Variants in OSBPL11 observed in about 807,000 individuals in gnomAD.
The protein encoded by OSBPL11 is oxysterol-binding protein-related protein 11.
In OSBPL11, 33 loss-of-function variants were observed where a neutral mutation model predicts 84.4. The observed-to-expected ratio is 0.39, with a 90% CI of 0.30 to 0.52. The LOEUF (loss-of-function observed/expected upper bound fraction) is 0.52, where lower values mean the gene tolerates loss of function less well. Ranked by LOEUF, OSBPL11 falls within the 20% of genes least tolerant of loss-of-function variation. The probability of loss-of-function intolerance (pLI) is 0.72; values close to 1 mark genes in which losing one functional copy is unlikely to be tolerated. For synonymous variants in OSBPL11, 276 were observed against 310.2 expected, an observed-to-expected ratio of 0.89 and a Z score of 1.16; for missense variants, 736 against 901.1, an observed-to-expected ratio of 0.82 and a Z score of 2.35.
At chr3:125,587,044 C>T (rs1414619820) in intron 1 of OSBPL11, among the ~76,000 whole-genome samples, 2 of 152,106 alleles carry the variant, frequency 1.3e-5, no homozygotes, top group African/African-American at 4.8e-5. Flanking sequence ...AATATATCTC[C>T]TTGAAGAAAA....
At chr3:125,543,940 T>A (rs1935773203) in intron 10 of OSBPL11, among the ~76,000 whole-genome samples, 1 of 152,158 alleles carries the variant, frequency 6.6e-6, no homozygotes, top group Non-Finnish European at 1.5e-5. Context: ...CACTTTGTTA[T>A]CTCTCATTTG....
At chr3:125,546,914 TG>T (rs1935827656) in intron 10 of OSBPL11, among the ~76,000 whole-genome samples, 1 of 149,596 alleles carries the variant, frequency 6.7e-6, no homozygotes, top group East Asian at 1.9e-4. Flanking sequence ...AAAAAAAAAA[TG>T]CATCAATATC....
At chr3:125,532,906 CA>C (rs1355269202) in intron 11 of OSBPL11, among the ~76,000 whole-genome samples, 1 of 151,542 alleles carries the variant, frequency 6.6e-6, no homozygotes, top group African/African-American at 2.4e-5. Context: ...GGATGAACCT[CA>C]AAAACGTTAT....
rs1197869427 is a variant in OSBPL11 at position 125,529,289 on chromosome 3, G to A, written c.*1226C>T. ...GTGCTCAATAAATACATGAATGAAT[G>A]ATGAAAGCCATAATTAGCTCTATTC... On this transcript the variant is annotated 3_prime_UTR_variant, in exon 13 of 13. Transcript: ENST00000296220. 1.3e-5 allele frequency: 2 copies of A among 152,274 alleles called. No individual in the cohort carries two copies. The highest frequency in any genetic ancestry group is 2.9e-5 in the Non-Finnish European group (2 of 68,022). 9.4% of individuals were successfully genotyped at this position (152,274 alleles called of 1,614,324 possible).
Position 125,561,101 on chromosome 3 carries a change from G to GA in OSBPL11, c.1015-583dup, listed in dbSNP as rs1308790364. Among the ~76,000 whole-genome samples, 5 of 151,800 alleles carry GA rather than the reference G, an allele frequency of 3.3e-5. No homozygotes were observed. The South Asian group carries it at 8.3e-4, about 25-fold the overall frequency. The stretch of plus-strand genomic sequence containing the variant: ...CAACCTCCACCTCCTGGGTTCAAGC[G>GA]ATTCTCCTGCCTCACCCTCCCAAGT... On this transcript the variant is annotated intron_variant, in intron 7 of 12. Transcript: ENST00000296220.
At chr3:125,576,507 C>A in intron 4 of OSBPL11, 142 bp from the exon 5 acceptor site, 1 of 575,150 alleles carries the variant, frequency 1.7e-6, no homozygotes, top group Non-Finnish European at 2.7e-6. Flanking sequence ...AGAACATTTC[C>A]AAAGATAAAA....
rs1311409919 is a variant in OSBPL11, at chr3:125,529,047, T to C, written c.*1468A>G. The C allele has an allele frequency of 2.0e-5, 3 of 152,672 alleles. No homozygotes were observed. Among genetic ancestry groups the C allele is most frequent in the African/African-American group, 7.2e-5 (3 of 41,454 alleles). The allele number at this position is 152,672 out of a possible 1,614,324, so 9.5% of individuals were successfully genotyped here. A position where few individuals can be genotyped will look rare whatever the true frequency, so the allele number is the denominator to read the frequency against. On this transcript the variant is annotated 3_prime_UTR_variant, in exon 13 of 13. Coordinates refer to ENST00000296220, the MANE Select transcript of OSBPL11 (RefSeq NM_022776.5). Reference sequence around the variant, plus strand: ...AAAAATTATTGTTTTGCTGTTTTCATCCTACTAACCTCTTTAACAGAACAC... The same window carrying C: ...AAAAATTATTGTTTTGCTGTTTTCACCCTACTAACCTCTTTAACAGAACAC...
chr3:125,536,572 A>C (rs1250888621), intron 11 of OSBPL11, among the ~76,000 whole-genome samples: 1 of 152,222 alleles, frequency 6.6e-6, no homozygotes, highest in East Asian at 1.9e-4. Flanking sequence ...TTTTGCCTTG[A>C]AGCTCAAATT....
At chr3:125,536,998 C>T (rs1580032188) in intron 11 of OSBPL11, among the ~76,000 whole-genome samples, 1 of 151,396 alleles carries the variant, frequency 6.6e-6, no homozygotes, top group Non-Finnish European at 1.5e-5. Flanking sequence ...GTCTCTACTA[C>T]AAATACAAAA....
rs565899555 is a variant in OSBPL11, at chr3:125,544,245, G to A, written c.1841+3161C>T. On this transcript the variant is annotated intron_variant, in intron 10 of 12. Transcript: ENST00000296220. ...TATTTTTTGTATTTTTAGTAAAGAC[G>A]GGGTTTCACCATGTTGACCAGGCTA... Among the ~76,000 whole-genome samples the A allele has an allele frequency of 1.1e-3, 170 of 151,902 alleles. 1 individual carries two copies. The highest frequency in any genetic ancestry group is 1.5e-3 in the Non-Finnish European group (105 of 67,956).
intron 8 of OSBPL11, among the ~76,000 whole-genome samples, 175 bp from the exon 9 acceptor site, chr3:125,552,854 A>G (rs780166412): frequency 1.3e-5 from 2 of 152,260 alleles, no homozygotes; most frequent in Admixed American, 6.5e-5. Flanking sequence ...GCAGTGGCTC[A>G]TGCCTATAAT....
At position 125,576,289 on chromosome 3, in the gene OSBPL11, C is replaced by G. The variant is rs757258734; in HGVS notation, c.566G>C (p.Ser189Thr). 6.2e-7 allele frequency: 1 copy of G among 1,610,554 alleles called. No individual in the cohort carries two copies. The highest frequency in any genetic ancestry group is 1.7e-5 in the Admixed American group (1 of 59,216). The change falls in exon 5 of 13, where the codon AGT becomes ACT. Residue 189 changes from serine (S) to threonine (T), a missense_variant. Ser to Thr is a moderately conservative substitution (Grantham distance 58). Transcript: ENST00000296220. Reference sequence around the variant, plus strand: ...ATTAAAAAAAGAAATGGCATTTTGACTTGGTCTCCTCTGCGATATAGGAGA... The same window carrying G: ...ATTAAAAAAAGAAATGGCATTTTGAGTTGGTCTCCTCTGCGATATAGGAGA... ...SNSPISQRRP[S>T]QNAISFFNVG...
chr3:125,590,316 G>A (rs1936577816), intron 1 of OSBPL11, among the ~76,000 whole-genome samples: 3 of 152,196 alleles, frequency 2.0e-5, no homozygotes, highest in Non-Finnish European at 2.9e-5. Context: ...TCAGGAGGCC[G>A]AAGTGGGTGG....
chr3:125,547,975 C>T (rs982340557), intron 9 of OSBPL11, among the ~76,000 whole-genome samples: 3 of 152,046 alleles, frequency 2.0e-5, no homozygotes, highest in Non-Finnish European at 4.4e-5. Context: ...ACTCCTGGGT[C>T]GAATGATTCT....
At chr3:125,558,237 T>C (rs1049538877) in intron 8 of OSBPL11, among the ~76,000 whole-genome samples, 20 of 152,224 alleles carry the variant, frequency 1.3e-4, no homozygotes, top group African/African-American at 4.3e-4. Context: ...TAAACCTCAA[T>C]GCTGCTCTTG....
At chr3:125,574,840 T>G (rs1936298157) in intron 5 of OSBPL11, among the ~76,000 whole-genome samples, 1 of 152,196 alleles carries the variant, frequency 6.6e-6, no homozygotes, top group Non-Finnish European at 1.5e-5. Context: ...AATGCATGCC[T>G]GCACAGTGTT....
chr3:125,563,918 A>AT, intron 6 of OSBPL11, 75 bp from the exon 7 acceptor site: 1 of 1,562,126 alleles, frequency 6.4e-7, no homozygotes, highest in South Asian at 1.1e-5. Context: ...GATTTTAACA[A>AT]TTTTGTTTTG....
In OSBPL11 at chr3:125,563,855, A is replaced by G. The variant is rs371550103; in HGVS notation, c.869-12T>C. The G allele has an allele frequency of 2.5e-6, 4 of 1,607,948 alleles. No individual in the cohort carries two copies. The African/African-American group carries it at 5.4e-5, about 22-fold the overall frequency. Reference sequence around the variant, plus strand: ...CTCGATTGTCGTTCCTGATGGAGTAAGAGAAAACTTTCGCTGAAACTTGCT... The same window carrying G: ...CTCGATTGTCGTTCCTGATGGAGTAGGAGAAAACTTTCGCTGAAACTTGCT... On this transcript the variant is annotated splice_polypyrimidine_tract_variant and intron_variant, in intron 6 of 12. Coordinates refer to ENST00000296220, the MANE Select transcript of OSBPL11 (RefSeq NM_022776.5).
chr3:125,561,151 C>T (rs925379393), intron 7 of OSBPL11, among the ~76,000 whole-genome samples: 25 of 152,150 alleles, frequency 1.6e-4, no homozygotes, highest in Admixed American at 1.6e-3. Context: ...GCATACACCA[C>T]CACACCTGGC....
Sources: allele counts gnomAD v4.1 joint callset (sites outside exome capture counted in the v4.1 genomes callset), GRCh38; gene constraint gnomAD v4.1.1; transcripts MANE v1.5; gene names NCBI Gene and HGNC (gene_info 2026-07-23, HGNC 2026-07-21).